Variants in ANTXR1 observed in about 807,000 individuals in gnomAD.
ANTXR1 encodes the protein ANTXR cell adhesion molecule 1, also known as anthrax toxin receptor 1.
In ANTXR1, 19 loss-of-function variants were observed where a neutral mutation model predicts 78.1. The ratio of observed to expected loss-of-function variants is 0.24; its 90% CI spans 0.17 to 0.36. The LOEUF is 0.36. Ranked by LOEUF, ANTXR1 falls within the 10% of genes least tolerant of loss-of-function variation. The pLI is 1.00. For missense variants in ANTXR1, 518 were observed against 718.6 expected, an observed-to-expected ratio of 0.72 and a Z score of 3.19; for synonymous variants, 273 against 260.5, an observed-to-expected ratio of 1.05 and a Z score of -0.46.
intron 13 of ANTXR1, among the ~76,000 whole-genome samples, chr2:69,163,310 A>G (rs942680780): frequency 1.1e-4 from 12 of 105,966 alleles, no homozygotes; most frequent in African/African-American, 4.6e-4. Context: ...TCCTCTTTTC[A>G]TGTAAAAAAA....
intron 14 of ANTXR1, among the ~76,000 whole-genome samples, chr2:69,177,803 T>A (rs537933592): frequency 7.2e-5 from 11 of 152,224 alleles, no homozygotes; most frequent in African/African-American, 2.6e-4. Context: ...AAGGGACTCT[T>A]ATTTACCACC....
intron 14 of ANTXR1, among the ~76,000 whole-genome samples, chr2:69,181,312 G>T (rs1348952463): frequency 6.6e-6 from 1 of 152,204 alleles, no homozygotes; most frequent in Non-Finnish European, 1.5e-5. Context: ...AGGCAGTAAA[G>T]AAGAGAGAGG....
chr2:69,243,987 G>GC (rs763227230), intron 17 of ANTXR1, among the ~76,000 whole-genome samples: 2 of 152,234 alleles, frequency 1.3e-5, no homozygotes, highest in Non-Finnish European at 2.9e-5. Context: ...ACCCACCCAG[G>GC]CAAGTGGCCA....
At chr2:69,081,064 T>C (rs12713670) in intron 8 of ANTXR1, among the ~76,000 whole-genome samples, 109,462 of 152,026 alleles carry the variant, frequency 0.72, 40,112 homozygotes, top group African/African-American at 0.85. Flanking sequence ...AGAAGAAAAC[T>C]CACTATGACT....
At chr2:69,109,967 G>A (rs1281662787) in intron 10 of ANTXR1, among the ~76,000 whole-genome samples, 10 of 151,728 alleles carry the variant, frequency 6.6e-5, no homozygotes, top group Admixed American at 2.6e-4. Context: ...TCCTAAAATC[G>A]GTTAAAAAAA....
At chr2:69,134,884 C>A (rs774893763) in intron 12 of ANTXR1, 3 of 197,200 alleles carry the variant, frequency 1.5e-5, no homozygotes, top group African/African-American at 6.9e-5. Context: ...CCAAATCAGT[C>A]TCCTCTATTT....
In ANTXR1 at chr2:69,248,997, C is replaced by G. The variant is rs570843332; in HGVS notation, c.*3512C>G. 1 of 152,202 alleles carries G rather than the reference C, an allele frequency of 6.6e-6. No homozygotes were observed. The highest frequency in any genetic ancestry group is 1.5e-5 in the Non-Finnish European group (1 of 68,032). The allele number at this position is 152,202 out of a possible 1,614,324, so 9.4% of individuals were successfully genotyped here. A position where few individuals can be genotyped will look rare whatever the true frequency, so the allele number is the denominator to read the frequency against. On this transcript the variant is annotated 3_prime_UTR_variant, in exon 18 of 18. Transcript: ENST00000303714. ...TACACTTAACATTAAACTCTTCTAA[C>G]TTTCTTCTTTCTGTGATAATTCAGA...
intron 10 of ANTXR1, among the ~76,000 whole-genome samples, chr2:69,118,052 T>A (rs992474805): frequency 6.6e-6 from 1 of 152,102 alleles, no homozygotes; most frequent in African/African-American, 2.4e-5. Context: ...ATGTCATAGG[T>A]ACACACAGAA....
intron 17 of ANTXR1, among the ~76,000 whole-genome samples, chr2:69,213,223 C>T (rs1247688640): frequency 3.3e-5 from 5 of 152,142 alleles, no homozygotes; most frequent in African/African-American, 1.2e-4. Flanking sequence ...AGAGGAGGGG[C>T]CTAAAAGCCA....
intron 3 of ANTXR1, among the ~76,000 whole-genome samples, chr2:69,057,579 T>C (rs1213594522): frequency 6.6e-6 from 1 of 152,210 alleles, no homozygotes; most frequent in African/African-American, 2.4e-5. Context: ...CAAATGTGTG[T>C]ATTCTTACTG....
intron 12 of ANTXR1, among the ~76,000 whole-genome samples, chr2:69,125,499 G>C (rs1489570867): frequency 3.3e-5 from 5 of 152,166 alleles, no homozygotes; most frequent in African/African-American, 1.2e-4. Context: ...CAATGTCTCA[G>C]AGCTCAGCCT....
At chr2:69,031,757 G>C (rs774862206) in intron 1 of ANTXR1, among the ~76,000 whole-genome samples, 47 of 152,194 alleles carry the variant, frequency 3.1e-4, no homozygotes, top group Non-Finnish European at 2.6e-4. Flanking sequence ...AACTGCTAAA[G>C]GAATTTAGAA....
At chr2:69,190,796 T>G (rs1674526753) in intron 16 of ANTXR1, among the ~76,000 whole-genome samples, 1 of 152,042 alleles carries the variant, frequency 6.6e-6, no homozygotes, top group African/African-American at 2.4e-5. Context: ...GTATTATACA[T>G]CTAGGTGGTT....
chr2:69,027,491 T>G (rs1194136274), intron 1 of ANTXR1, among the ~76,000 whole-genome samples: 2 of 152,162 alleles, frequency 1.3e-5, no homozygotes, highest in African/African-American at 4.8e-5. Flanking sequence ...TGGAAATGAC[T>G]GGGGTTGATT....
At chr2:69,235,144 C>G (rs1346609901) in intron 17 of ANTXR1, among the ~76,000 whole-genome samples, 1 of 151,544 alleles carries the variant, frequency 6.6e-6, no homozygotes. Flanking sequence ...CTGCCTCAGC[C>G]TCCTAAGTAG....
chr2:69,238,779 C>A (rs1019651669), intron 17 of ANTXR1, among the ~76,000 whole-genome samples: 3 of 152,180 alleles, frequency 2.0e-5, no homozygotes, highest in African/African-American at 7.2e-5. Context: ...TATACTTTTA[C>A]GATCTAATTA....
chr2:69,037,832 G>A (rs1669488995), intron 1 of ANTXR1, among the ~76,000 whole-genome samples: 1 of 152,108 alleles, frequency 6.6e-6, no homozygotes, highest in Non-Finnish European at 1.5e-5. Flanking sequence ...AGCAGATGCA[G>A]TATGTATAAA....
At chr2:69,188,072 C>G (rs1674464461) in intron 16 of ANTXR1, among the ~76,000 whole-genome samples, 1 of 147,788 alleles carries the variant, frequency 6.8e-6, no homozygotes, top group Non-Finnish European at 1.5e-5. Flanking sequence ...GAGGAAACCC[C>G]ACCACAAAAG....
At chr2:69,161,797 C>G (rs923810595) in intron 13 of ANTXR1, among the ~76,000 whole-genome samples, 3 of 152,130 alleles carry the variant, frequency 2.0e-5, no homozygotes, top group African/African-American at 7.2e-5. Context: ...CTTTTCAGAT[C>G]TGGATTGGCA....
Sources: gnomAD v4.1 joint callset for allele counts (sites outside exome capture counted in the v4.1 genomes callset) on GRCh38, gnomAD v4.1.1 for gene constraint, MANE v1.5 for transcripts, NCBI Gene and HGNC (gene_info 2026-07-23, HGNC 2026-07-21) for gene names.